Variants in RERE observed in about 807,000 individuals in gnomAD.
RERE encodes the protein arginine-glutamic acid dipeptide repeats protein.
Under a neutral mutation model 146.1 loss-of-function variants are expected in RERE, and 40 were observed. That is an observed-to-expected ratio of 0.27 (90% CI 0.21 to 0.36). RERE has a LOEUF of 0.36. RERE is among the 10% of genes least tolerant of loss of function. The pLI is 1.00. For synonymous variants in RERE, 1,003 were observed against 866.0 expected (o/e 1.16, Z -2.78); for missense variants, 1,933 against 2,138.7 (o/e 0.90, Z 1.90).
chr1:8,800,424 C>A (rs1641565768), intron 1 of RERE, among the ~76,000 whole-genome samples: 1 of 152,144 alleles, frequency 6.6e-6, no homozygotes, highest in Admixed American at 6.6e-5. Flanking sequence ...ACATAAACCA[C>A]CTGTCTCTAT....
chr1:8,559,304 A>AAAAAAAAAAAAAAAAAAAAAAAC (rs754733974), intron 4 of RERE, among the ~76,000 whole-genome samples: 3 of 130,186 alleles, frequency 2.3e-5, no homozygotes, highest in East Asian at 4.7e-4. Context: ...AAAAAAAAAA[A>AAAAAAAAAAAAAAAAAAAAAAAC]CAGAACAAAA....
intron 1 of RERE, among the ~76,000 whole-genome samples, chr1:8,691,838 G>A (rs56163601): frequency 0.16 from 24,261 of 152,182 alleles, 2,336 homozygotes; most frequent in Middle Eastern, 0.26. Context: ...TAAATGCAGA[G>A]TCAAACGCTC....
At chr1:8,533,917 AT>A (rs1645690469) in intron 7 of RERE, among the ~76,000 whole-genome samples, 2 of 152,252 alleles carry the variant, frequency 1.3e-5, no homozygotes, top group African/African-American at 4.8e-5. Context: ...GTCCTGTTTT[AT>A]TAAAGTTATC....
At chr1:8,723,424 ACT>A in intron 1 of RERE, among the ~76,000 whole-genome samples, 1 of 152,074 alleles carries the variant, frequency 6.6e-6, no homozygotes, top group East Asian at 1.9e-4. Flanking sequence ...AAGAAAACAA[ACT>A]CTAAAACAAA....
chr1:8,373,140 CAG>C (rs1165571379), intron 12 of RERE, among the ~76,000 whole-genome samples: 2 of 152,210 alleles, frequency 1.3e-5, no homozygotes, highest in Non-Finnish European at 1.5e-5. Context: ...GACCCCATCG[CAG>C]AGTCTTAGAA....
intron 1 of RERE, among the ~76,000 whole-genome samples, chr1:8,774,885 TGAG>T (rs1641030219): frequency 6.6e-6 from 1 of 151,216 alleles, no homozygotes; most frequent in Admixed American, 6.6e-5. Flanking sequence ...TTATTCCAGC[TGAG>T]GAGAATTAAA....
chr1:8,624,005 T>G (rs1050251861), intron 3 of RERE, among the ~76,000 whole-genome samples: 2 of 152,222 alleles, frequency 1.3e-5, no homozygotes, highest in African/African-American at 4.8e-5. Context: ...CTCTTAACAA[T>G]GGCTGAGAAG....
chr1:8,806,602 A>G (rs1641698220), intron 1 of RERE, among the ~76,000 whole-genome samples: 1 of 152,170 alleles, frequency 6.6e-6, no homozygotes. Context: ...CTCTACCTCA[A>G]TAATACCATA....
At chr1:8,762,184 C>G (rs1640768587) in intron 1 of RERE, among the ~76,000 whole-genome samples, 1 of 152,190 alleles carries the variant, frequency 6.6e-6, no homozygotes, top group African/African-American at 2.4e-5. Flanking sequence ...CTCTGAACTT[C>G]AGCAGTACCT....
intron 9 of RERE, among the ~76,000 whole-genome samples, chr1:8,496,541 C>T (rs1557658368): frequency 6.6e-6 from 1 of 152,032 alleles, no homozygotes; most frequent in Non-Finnish European, 1.5e-5. Context: ...ACCCACAAAC[C>T]CATCCAGGGT....
chr1:8,757,764 C>A (rs941769970), intron 1 of RERE, among the ~76,000 whole-genome samples: 1 of 152,116 alleles, frequency 6.6e-6, no homozygotes, highest in Non-Finnish European at 1.5e-5. Flanking sequence ...TCACCAAAAA[C>A]ACTCATCATA....
chr1:8,393,486 G>T (rs1455961320), intron 12 of RERE, among the ~76,000 whole-genome samples: 2 of 152,234 alleles, frequency 1.3e-5, no homozygotes, highest in Middle Eastern at 6.8e-3. Flanking sequence ...TGCTCTGGGT[G>T]AGCACTCCCC....
At chr1:8,483,610 C>A (rs920532632) in intron 10 of RERE, among the ~76,000 whole-genome samples, 2 of 152,164 alleles carry the variant, frequency 1.3e-5, no homozygotes, top group Non-Finnish European at 2.9e-5. Flanking sequence ...TTTATCTATT[C>A]AATCATTCAA....
intron 1 of RERE, among the ~76,000 whole-genome samples, chr1:8,714,272 T>C (rs1178514192): frequency 1.3e-5 from 2 of 152,198 alleles, no homozygotes; most frequent in Non-Finnish European, 2.9e-5. Flanking sequence ...TCAGAAGACA[T>C]CACTCTAATA....
At position 8,692,654 on chromosome 1, in the gene RERE, T is replaced by C. The variant is rs374850354; in HGVS notation, c.-144-36213A>G. The stretch of plus-strand genomic sequence containing the variant: ...ATGAGCCACCGTATTCGGCCCGGTA[T>C]ACTTTAAAAAGAATCTCTAGATTAC... On this transcript the variant is annotated intron_variant, in intron 1 of 22. Coordinates refer to ENST00000400908, the MANE Select transcript of RERE (RefSeq NM_001042681.2). Among the ~76,000 whole-genome samples the C allele has an allele frequency of 2.0e-4, 31 of 152,250 alleles. 3 individuals carry two copies. The East Asian group carries it at 2.5e-3, about 12-fold the overall frequency.
chr1:8,538,210 T>C (rs1283363045), intron 7 of RERE, among the ~76,000 whole-genome samples: 2 of 152,208 alleles, frequency 1.3e-5, no homozygotes, highest in Non-Finnish European at 2.9e-5. Flanking sequence ...ATTTCCTTTC[T>C]ACATTAACTT....
intron 12 of RERE, among the ~76,000 whole-genome samples, chr1:8,410,207 G>T (rs1401819072): frequency 6.6e-6 from 1 of 152,070 alleles, no homozygotes; most frequent in African/African-American, 2.4e-5. Context: ...GCAGGGGAGG[G>T]GGGCCGCCCT....
At chr1:8,530,227 T>C (rs1197755040) in intron 7 of RERE, among the ~76,000 whole-genome samples, 1 of 152,102 alleles carries the variant, frequency 6.6e-6, no homozygotes, top group Non-Finnish European at 1.5e-5. Flanking sequence ...GAACAACAGG[T>C]GTAGGATTAG....
intron 12 of RERE, among the ~76,000 whole-genome samples, chr1:8,413,347 T>C (rs1643665536): frequency 6.6e-6 from 1 of 151,862 alleles, no homozygotes; most frequent in African/African-American, 2.4e-5. Context: ...AATTTTGTTT[T>C]TTGTTGTTGT....
Sources: gnomAD v4.1 joint callset for allele counts (sites outside exome capture counted in the v4.1 genomes callset) on GRCh38, gnomAD v4.1.1 for gene constraint, MANE v1.5 for transcripts, NCBI Gene and HGNC (gene_info 2026-07-23, HGNC 2026-07-21) for gene names.